Variants in GPC6 observed in about 807,000 individuals in gnomAD.
The protein encoded by GPC6 is glypican-6.
In GPC6, 14 loss-of-function variants were observed where a neutral mutation model predicts 55.2. That is an observed-to-expected ratio of 0.25 (90% CI 0.17 to 0.40). GPC6 has a LOEUF of 0.40. Ranked by LOEUF, GPC6 falls within the 10% of genes least tolerant of loss-of-function variation. The pLI, the probability that GPC6 is intolerant of heterozygous loss-of-function variation, is 1.00. For missense variants in GPC6, 641 were observed against 708.5 expected, an observed-to-expected ratio of 0.90 and a Z score of 1.08; for synonymous variants, 278 against 259.6, an observed-to-expected ratio of 1.07 and a Z score of -0.68.
chr13:93,490,846 A>G (rs1879972407), intron 1 of GPC6, among the ~76,000 whole-genome samples: 1 of 92,050 alleles, frequency 1.1e-5, no homozygotes, highest in Non-Finnish European at 2.1e-5. Flanking sequence ...AAAGGACATG[A>G]ACTCATCATT....
chr13:93,963,330 T>G, intron 3 of GPC6, among the ~76,000 whole-genome samples: 1 of 152,254 alleles, frequency 6.6e-6, no homozygotes, highest in South Asian at 2.1e-4. Flanking sequence ...TTTTACTCAT[T>G]TGTGATTACT....
At chr13:93,449,659 C>T (rs1009513646) in intron 1 of GPC6, among the ~76,000 whole-genome samples, 1 of 152,058 alleles carries the variant, frequency 6.6e-6, no homozygotes, top group African/African-American at 2.4e-5. Context: ...GAAACCCCAT[C>T]TCTACTAAAA....
chr13:93,548,779 A>C (rs1003716102), intron 2 of GPC6, among the ~76,000 whole-genome samples: 1 of 152,136 alleles, frequency 6.6e-6, no homozygotes, highest in African/African-American at 2.4e-5. Flanking sequence ...AGAGGCAACA[A>C]ATTTTAGAAA....
At chr13:94,082,196 A>G (rs7999475) in intron 4 of GPC6, among the ~76,000 whole-genome samples, 28,455 of 151,998 alleles carry the variant, frequency 0.19, 2,808 homozygotes, top group South Asian at 0.26. Context: ...TGAGACTTGC[A>G]TATCCTTACT....
At chr13:93,465,789 G>T (rs947156884) in intron 1 of GPC6, among the ~76,000 whole-genome samples, 1 of 152,144 alleles carries the variant, frequency 6.6e-6, no homozygotes, top group African/African-American at 2.4e-5. Context: ...TAGCCTTTTG[G>T]CCTTTCTCAG....
chr13:93,486,970 A>C (rs928002717), intron 1 of GPC6, among the ~76,000 whole-genome samples: 17 of 151,750 alleles, frequency 1.1e-4, no homozygotes, highest in Non-Finnish European at 2.2e-4. Flanking sequence ...AAAAAACCCC[A>C]AAAAACACAA....
intron 1 of GPC6, among the ~76,000 whole-genome samples, chr13:93,461,814 A>G (rs541337242): frequency 6.6e-6 from 1 of 152,258 alleles, no homozygotes; most frequent in Non-Finnish European, 1.5e-5. Flanking sequence ...ATAACCTCAT[A>G]TCATGCCTTT....
intron 2 of GPC6, among the ~76,000 whole-genome samples, chr13:93,675,373 T>C (rs1421513027): frequency 6.6e-6 from 1 of 152,028 alleles, no homozygotes; most frequent in East Asian, 1.9e-4. Context: ...TACAAATTCG[T>C]GTTGATCAAG....
intron 4 of GPC6, among the ~76,000 whole-genome samples, chr13:94,243,418 C>A (rs1351782897): frequency 3.3e-5 from 5 of 151,998 alleles, no homozygotes; most frequent in Non-Finnish European, 5.9e-5. Flanking sequence ...ATCACAGAGG[C>A]TTTTAATATT....
At chr13:93,346,283 A>G (rs1880426850) in intron 1 of GPC6, among the ~76,000 whole-genome samples, 2 of 152,212 alleles carry the variant, frequency 1.3e-5, no homozygotes, top group Non-Finnish European at 2.9e-5. Context: ...TTAGGCAAGT[A>G]GTGCAGTAAA....
At chr13:93,481,260 C>G (rs1436829885) in intron 1 of GPC6, among the ~76,000 whole-genome samples, 1 of 152,030 alleles carries the variant, frequency 6.6e-6, no homozygotes, top group Non-Finnish European at 1.5e-5. Context: ...ATTCAGATTT[C>G]TTATTCATTT....
At chr13:93,412,012 A>AAT (rs1876517610) in intron 1 of GPC6, among the ~76,000 whole-genome samples, 1 of 151,638 alleles carries the variant, frequency 6.6e-6, no homozygotes, top group Admixed American at 6.6e-5. Flanking sequence ...CAAAAAAAAA[A>AAT]AATAAATAAA....
intron 4 of GPC6, among the ~76,000 whole-genome samples, chr13:94,254,572 AAC>A (rs1487154282): frequency 2.0e-5 from 3 of 152,144 alleles, no homozygotes; most frequent in Non-Finnish European, 4.4e-5. Context: ...AACCTTAAGA[AAC>A]AGTTGATTGA....
At chr13:93,279,376 T>C (rs1331709445) in intron 1 of GPC6, among the ~76,000 whole-genome samples, 3 of 152,208 alleles carry the variant, frequency 2.0e-5, no homozygotes, top group South Asian at 2.1e-4. Context: ...TGTCGAGATA[T>C]GTACATTGGG....
chr13:93,776,301 TAA>T (rs1026870248), intron 2 of GPC6, among the ~76,000 whole-genome samples: 1 of 152,206 alleles, frequency 6.6e-6, no homozygotes, highest in African/African-American at 2.4e-5. Flanking sequence ...GGCGCAGTTC[TAA>T]ACACTTTAAC....
At chr13:93,445,038 A>G (rs1877948875) in intron 1 of GPC6, among the ~76,000 whole-genome samples, 1 of 152,174 alleles carries the variant, frequency 6.6e-6, no homozygotes, top group African/African-American at 2.4e-5. Flanking sequence ...CCAACTCTTT[A>G]TATCATTGTC....
At chr13:93,287,228 G>T (rs991747263) in intron 1 of GPC6, among the ~76,000 whole-genome samples, 4 of 152,126 alleles carry the variant, frequency 2.6e-5, no homozygotes, top group African/African-American at 4.8e-5. Context: ...TAAGATAAAA[G>T]AGCCTACTGA....
At chr13:93,942,910 T>C (rs1878806193) in intron 3 of GPC6, among the ~76,000 whole-genome samples, 1 of 152,138 alleles carries the variant, frequency 6.6e-6, no homozygotes, top group African/African-American at 2.4e-5. Flanking sequence ...TTCATTCTGC[T>C]CCCTCAGTTG....
At chr13:94,114,975 T>G (rs764315434) in intron 4 of GPC6, among the ~76,000 whole-genome samples, 1 of 152,126 alleles carries the variant, frequency 6.6e-6, no homozygotes, top group Non-Finnish European at 1.5e-5. Context: ...AATCAGTGTG[T>G]GTCTGATTCT....
Sources: allele counts gnomAD v4.1 joint callset (sites outside exome capture counted in the v4.1 genomes callset), GRCh38; gene constraint gnomAD v4.1.1; transcripts MANE v1.5; gene names NCBI Gene and HGNC (gene_info 2026-07-23, HGNC 2026-07-21).